The following KIF3C variants were observed in gnomAD, a reference collection of about 807,000 sequenced individuals.
KIF3C encodes kinesin-like protein KIF3C.
A neutral mutation model predicts 67.7 loss-of-function variants in KIF3C; 12 were observed. That is an observed-to-expected ratio of 0.18 (90% CI 0.11 to 0.29). The LOEUF (loss-of-function observed/expected upper bound fraction) is 0.29. Ranked by LOEUF, KIF3C falls within the 10% of genes least tolerant of loss-of-function variation. The pLI, the probability that KIF3C is intolerant of heterozygous loss-of-function variation, is 1.00. For missense variants in KIF3C, 789 were observed against 1,059.6 expected (o/e 0.74, Z 3.55); for synonymous variants, 393 against 426.2 (o/e 0.92, Z 0.96).
At chr2:25,947,887 A>G (rs1663488012) in intron 5 of KIF3C, among the ~76,000 whole-genome samples, 2 of 152,164 alleles carry the variant, frequency 1.3e-5, no homozygotes, top group Admixed American at 1.3e-4. Flanking sequence ...AAGAAAGTAA[A>G]TTAAAAAAAA....
rs1193729105 is a variant in KIF3C, at chr2:25,962,817, T to TAA, written c.1546-6375_1546-6374dup. ...TATATTATATAATATATAATATATA[T>TAA]AATATATAAAATATATAAAATATAT... On this transcript the variant is annotated intron_variant, in intron 1 of 7. Transcript: ENST00000264712. 1.5e-4 allele frequency among the ~76,000 whole-genome samples: 12 copies of TAA among 79,728 alleles called. No homozygotes were observed. The South Asian group carries it at 2.0e-3, about 13-fold the overall frequency. The allele number at this position is 79,728 out of a possible 152,430, so 52.3% of individuals were successfully genotyped here.
intron 6 of KIF3C, among the ~76,000 whole-genome samples, 191 bp from the exon 7 acceptor site, chr2:25,929,668 T>G (rs886748846): frequency 2.7e-5 from 4 of 150,868 alleles, no homozygotes; most frequent in African/African-American, 9.8e-5. Context: ...CAGGCTGGAG[T>G]GCAGTGGTGC....
At position 25,981,677 on chromosome 2, in the gene KIF3C, G is replaced by A. The variant is rs146792794; in HGVS notation, c.241C>T (p.Leu81=). The change falls in exon 1 of 8, where the codon CTG becomes TTG. Residue 81 remains leucine, a synonymous_variant. Transcript: ENST00000264712. The surrounding 1 kb of genome is among the most constrained non-coding windows in gnomAD (Gnocchi z 8.2). ...AAACCCTGGAGCACGGAGTCTATCA[G>A]GGGCCTCACGGTTTCGTCATACAGG... The part of the protein sequence containing the change: ...ADLYDETVRP[L]IDSVLQGFNG... The A allele has an allele frequency of 1.2e-4, 189 of 1,614,094 alleles. No homozygotes were observed. The African/African-American group carries it at 1.3e-3, about 11-fold the overall frequency.
chr2:25,981,570 C>T lies in KIF3C; in HGVS notation c.348G>A (p.Leu116=). Residue 116 remains leucine, a synonymous_variant, in exon 1 of 8, where the codon CTG becomes CTA. Coordinates refer to ENST00000264712, the MANE Select transcript of KIF3C (RefSeq NM_002254.8). The surrounding 1 kb of genome is among the most constrained non-coding windows in gnomAD (Gnocchi z 8.2). ...CAAAGGCATTCGGGATGACCCCGCG[C>T]AGCTCGGGCTCCACCCAGGTCCCCT... ...TMQGTWVEPE[L]RGVIPNAFEH... 1 of 1,614,218 alleles carries T rather than the reference C, an allele frequency of 6.2e-7. No individual in the cohort carries two copies. Among genetic ancestry groups the T allele is most frequent in the Non-Finnish European group, 8.5e-7 (1 of 1,180,050 alleles).
At chr2:25,946,427 A>C (rs1043539391) in intron 5 of KIF3C, among the ~76,000 whole-genome samples, 9 of 152,014 alleles carry the variant, frequency 5.9e-5, no homozygotes, top group Non-Finnish European at 1.0e-4. Context: ...ATGGTGGCTC[A>C]CGCCTGTAAT....
chr2:25,948,509 C>T (rs1663503024), intron 5 of KIF3C, among the ~76,000 whole-genome samples: 1 of 151,526 alleles, frequency 6.6e-6, no homozygotes, highest in African/African-American at 2.4e-5. Flanking sequence ...TTATATACTC[C>T]AGCCTGGGTG....
rs1663869621 is a variant in KIF3C at position 25,958,593 on chromosome 2, A to G, written c.1546-2149T>C. Among the ~76,000 whole-genome samples, 2 of 152,048 alleles carry G rather than the reference A, an allele frequency of 1.3e-5. No individual in the cohort carries two copies. Among genetic ancestry groups the G allele is most frequent in the South Asian group, 4.2e-4 (2 of 4,818 alleles). On this transcript the variant is annotated intron_variant, in intron 1 of 7. Transcript: ENST00000264712. The surrounding 1 kb of genome is among the most constrained non-coding windows in gnomAD (Gnocchi z 4.5). Reference sequence around the variant, plus strand: ...GAGACTTCATCACAAAAAACAAAAAACAAAAAACAGCACAACTCTGAATGC... The same window carrying G: ...GAGACTTCATCACAAAAAACAAAAAGCAAAAAACAGCACAACTCTGAATGC...
rs397984116 is a variant in KIF3C, at chr2:25,970,667, CAAAA to C, written c.1545+9702_1545+9705del. ...GGGAAACAAGAGTGAAACTTTGTCT[CAAAA>C]AAAAAAAAAAAAAAAAAAAAAGAAC... is the stretch of plus-strand genomic sequence containing the variant. On this transcript the variant is annotated intron_variant, in intron 1 of 7. Coordinates refer to ENST00000264712, the MANE Select transcript of KIF3C (RefSeq NM_002254.8). Among the ~76,000 whole-genome samples, 58 of 54,784 alleles carry C rather than the reference CAAAA, an allele frequency of 1.1e-3. 1 individual carries two copies. Among genetic ancestry groups the C allele is most frequent in the Non-Finnish European group, 6.4e-4 (20 of 31,440 alleles). The allele number at this position is 54,784 out of a possible 152,430, so 35.9% of individuals were successfully genotyped here. A position where few individuals can be genotyped will look rare whatever the true frequency, so the allele number is the denominator to read the frequency against.
In KIF3C at chr2:25,955,410, A is replaced by C; in HGVS notation, c.1770+131T>G. On this transcript the variant is annotated intron_variant, in intron 3 of 7. Coordinates refer to ENST00000264712, the MANE Select transcript of KIF3C (RefSeq NM_002254.8). This position sits in a 1 kb window ranked among gnomAD's most constrained non-coding sequence, Gnocchi z 5.0. ...TGCCTCCCCCTGTTGCTCACCCCCG[A>C]GGCCAAGCCATGTCACTCAGGGGTT... is the stretch of plus-strand genomic sequence containing the variant. 1.8e-6 allele frequency: 2 copies of C among 1,131,168 alleles called. No homozygotes were observed. The highest frequency in any genetic ancestry group is 2.5e-6 in the Non-Finnish European group (2 of 788,440). The allele number at this position is 1,131,168 out of a possible 1,614,324, so 70.1% of individuals were successfully genotyped here.
intron 5 of KIF3C, among the ~76,000 whole-genome samples, chr2:25,945,671 G>A (rs189126702): frequency 2.2e-4 from 33 of 151,400 alleles, no homozygotes; most frequent in African/African-American, 6.3e-4. Flanking sequence ...GAGGATTAGC[G>A]TGAAGCCAGG....
intron 5 of KIF3C, among the ~76,000 whole-genome samples, chr2:25,936,559 C>G (rs1313883392): frequency 6.6e-6 from 1 of 152,104 alleles, no homozygotes; most frequent in African/African-American, 2.4e-5. Flanking sequence ...ATCTGTATGC[C>G]TGCCATCCAG....
intron 1 of KIF3C, among the ~76,000 whole-genome samples, chr2:25,976,291 C>T (rs1664413320): frequency 6.6e-6 from 1 of 152,178 alleles, no homozygotes; most frequent in African/African-American, 2.4e-5. Flanking sequence ...GAGTGGGCTC[C>T]AGCCAAGAAC....
Position 25,928,895 on chromosome 2 carries a change from G to T in KIF3C, c.*83C>A. 8.6e-7 allele frequency: 1 copy of T among 1,156,840 alleles called. No individual in the cohort carries two copies. Among genetic ancestry groups the T allele is most frequent in the Middle Eastern group, 2.8e-4 (1 of 3,522 alleles). The allele number at this position is 1,156,840 out of a possible 1,614,324, so 71.7% of individuals were successfully genotyped here. A position where few individuals can be genotyped will look rare whatever the true frequency, so the allele number is the denominator to read the frequency against. ...CACGCACATGCACGCACACGCACACGCACCAAGCGGCAGATGAGATGAGCC... is the reference window on the plus strand; with the variant it reads ...CACGCACATGCACGCACACGCACACTCACCAAGCGGCAGATGAGATGAGCC... On this transcript the variant is annotated 3_prime_UTR_variant, in exon 8 of 8. Coordinates refer to ENST00000264712, the MANE Select transcript of KIF3C (RefSeq NM_002254.8).
At chr2:25,945,047 C>T (rs1663394205) in intron 5 of KIF3C, among the ~76,000 whole-genome samples, 1 of 151,794 alleles carries the variant, frequency 6.6e-6, no homozygotes, top group Non-Finnish European at 1.5e-5. Flanking sequence ...AGGAGAATCA[C>T]TTGAACCCGG....
At chr2:25,937,321 T>C (rs947849015) in intron 5 of KIF3C, among the ~76,000 whole-genome samples, 5 of 152,210 alleles carry the variant, frequency 3.3e-5, no homozygotes. Flanking sequence ...AATAACATTC[T>C]TGTGGTTTAG....
At chr2:25,948,604 AAGAAAG>A (rs992572217) in intron 5 of KIF3C, among the ~76,000 whole-genome samples, 50 of 137,612 alleles carry the variant, frequency 3.6e-4, no homozygotes, top group Admixed American at 1.7e-3. Flanking sequence ...AAGAGAAAGA[AAGAAAG>A]AGAAAGAGAA....
Position 25,955,528 on chromosome 2 carries a change from T to G in KIF3C, c.1770+13A>C. On this transcript the variant is annotated intron_variant, in intron 3 of 7. Transcript: ENST00000264712. This position sits in a 1 kb window ranked among gnomAD's most constrained non-coding sequence, Gnocchi z 5.0. ...TCCAGCACACCTTAACCGGTCCTGC[T>G]GCAGCGTCTCACCTTCTTGAGTTTC... The G allele has an allele frequency of 1.9e-6, 3 of 1,613,918 alleles. No homozygotes were observed. The highest frequency in any genetic ancestry group is 2.5e-6 in the Non-Finnish European group (3 of 1,179,880).
intron 5 of KIF3C, among the ~76,000 whole-genome samples, chr2:25,944,387 A>G (rs1405083993): frequency 1.4e-5 from 2 of 141,958 alleles, no homozygotes; most frequent in Non-Finnish European, 3.0e-5. Flanking sequence ...CACTCTGTTG[A>G]CCAGGCCAGG....
intron 3 of KIF3C, 150 bp from the exon 4 acceptor site, chr2:25,954,535 C>A: frequency 1.6e-6 from 1 of 622,010 alleles, no homozygotes; most frequent in Non-Finnish European, 2.8e-6. Context: ...CCGCTGTGCC[C>A]AACCCACCAC....
Sources: gnomAD v4.1 joint callset for allele counts (sites outside exome capture counted in the v4.1 genomes callset) on GRCh38, gnomAD v4.1.1 for gene constraint, Gnocchi (gnomAD v3.1) non-coding constraint, MANE v1.5 for transcripts, NCBI Gene and HGNC (gene_info 2026-07-23, HGNC 2026-07-21) for gene names.